The following CNTNAP5 variants were observed in gnomAD, a reference collection of about 807,000 sequenced individuals.
CNTNAP5 encodes contactin-associated protein-like 5.
CNTNAP5 carries 72 observed loss-of-function variants against 150.2 expected under a neutral mutation model. The ratio of observed to expected loss-of-function variants is 0.48; its 90% CI spans 0.40 to 0.58. CNTNAP5 has a LOEUF of 0.58. CNTNAP5 is among the 20% of genes least tolerant of loss of function. The pLI is 0.00. For synonymous variants in CNTNAP5, 672 were observed against 619.8 expected (o/e 1.08, Z -1.25); for missense variants, 1,636 against 1,626.2 (o/e 1.01, Z -0.10).
At chr2:124,702,398 C>G (rs1053923589) in intron 13 of CNTNAP5, among the ~76,000 whole-genome samples, 21 of 35,988 alleles carry the variant, frequency 5.8e-4, no homozygotes, top group South Asian at 1.2e-3. Flanking sequence ...TTTTTTTTTG[C>G]TAGTGAAGAA....
At chr2:124,742,645 C>A (rs904735363) in intron 13 of CNTNAP5, among the ~76,000 whole-genome samples, 13 of 149,162 alleles carry the variant, frequency 8.7e-5, no homozygotes, top group African/African-American at 3.0e-4. Context: ...CACACACACA[C>A]ACACACATAT....
intron 17 of CNTNAP5, among the ~76,000 whole-genome samples, chr2:124,773,909 CGTGTGT>C (rs55795835): frequency 0.28 from 36,720 of 131,524 alleles, 5,130 homozygotes; most frequent in Non-Finnish European, 0.32. Context: ...TAAGGGAGTG[CGTGTGT>C]GTGTGTGTGT....
chr2:124,557,969 G>C (rs1183533134), intron 10 of CNTNAP5, among the ~76,000 whole-genome samples: 8 of 152,138 alleles, frequency 5.3e-5, no homozygotes, highest in Non-Finnish European at 1.2e-4. Flanking sequence ...GGTGAGTTGA[G>C]AGTGTTAAGG....
At chr2:124,680,676 A>G (rs1679046197) in intron 13 of CNTNAP5, 1 of 151,890 alleles carries the variant, frequency 6.6e-6, no homozygotes, top group African/African-American at 2.4e-5. Flanking sequence ...TTTTTGTTGG[A>G]AATTGGTCAT....
chr2:124,122,218 C>T (rs886507561), intron 1 of CNTNAP5, among the ~76,000 whole-genome samples: 39 of 152,150 alleles, frequency 2.6e-4, no homozygotes, highest in East Asian at 1.9e-4. Context: ...TATATTTAGA[C>T]AGCCAGAAAT....
Position 124,713,169 on chromosome 2 carries a change from T to C in CNTNAP5, c.2078-34060T>C, listed in dbSNP as rs1374622877. Among the ~76,000 whole-genome samples the C allele has an allele frequency of 2.9e-5, 4 of 136,600 alleles. 1 individual carries two copies. The highest frequency in any genetic ancestry group is 6.3e-5 in the Non-Finnish European group (4 of 63,136). The allele number at this position is 136,600 out of a possible 152,430, so 89.6% of individuals were successfully genotyped here. ...CTTCCTTCCTTCCTCCCTCCCTCCC[T>C]CTCTCTTTTCCTCCTTCCTTCCTTC... On this transcript the variant is annotated intron_variant, in intron 13 of 23. Transcript: ENST00000682447.
chr2:124,557,497 A>C (rs1225151544), intron 10 of CNTNAP5, among the ~76,000 whole-genome samples: 3 of 152,168 alleles, frequency 2.0e-5, no homozygotes, highest in East Asian at 3.9e-4. Context: ...AATGCCTGTC[A>C]TTCATTCACT....
In CNTNAP5 at chr2:124,479,632, G is replaced by T. The variant is rs780389753; in HGVS notation, c.1062+4750G>T. On this transcript the variant is annotated intron_variant, in intron 7 of 23. Transcript: ENST00000682447. ...ATTGGAATCAGGGAATTGGATGGGC[G>T]ATGGCCAATACTAAGCCAATATAAT... is the stretch of plus-strand genomic sequence containing the variant. Among the ~76,000 whole-genome samples the T allele has an allele frequency of 3.3e-5, 5 of 152,250 alleles. No homozygotes were observed. In the South Asian group the frequency reaches 1.0e-3, roughly 32 times the overall value.
intron 7 of CNTNAP5, among the ~76,000 whole-genome samples, chr2:124,499,418 C>T (rs1392789036): frequency 6.6e-6 from 1 of 152,144 alleles, no homozygotes. Flanking sequence ...ATGGGCAAGC[C>T]CAGAAGGCTT....
In CNTNAP5 at chr2:124,400,682, T is replaced by G. The variant is rs533230593; in HGVS notation, c.382-16761T>G. On this transcript the variant is annotated intron_variant, in intron 3 of 23. Transcript: ENST00000682447. The stretch of plus-strand genomic sequence containing the variant: ...GATAAAGGCATTGTTTTTTTTTTTT[T>G]TTTTTTGTTTTTTTTCTTTAGTGGA... Among the ~76,000 whole-genome samples the G allele has an allele frequency of 9.6e-4, 110 of 114,858 alleles. 2 individuals are homozygous for G. The highest frequency in any genetic ancestry group is 8.7e-3 in the East Asian group (38 of 4,388). The allele number at this position is 114,858 out of a possible 152,430, so 75.4% of individuals were successfully genotyped here.
chr2:124,794,545 A>G (rs1249598562), intron 18 of CNTNAP5, among the ~76,000 whole-genome samples: 2 of 152,262 alleles, frequency 1.3e-5, no homozygotes, highest in African/African-American at 4.8e-5. Context: ...AGTGAAAAAA[A>G]TAAAAGTATG....
At chr2:124,537,858 C>T (rs944120629) in intron 10 of CNTNAP5, among the ~76,000 whole-genome samples, 6 of 152,132 alleles carry the variant, frequency 3.9e-5, no homozygotes, top group Non-Finnish European at 8.8e-5. Flanking sequence ...TGGTCCTTCT[C>T]CACCTGTGCA....
intron 2 of CNTNAP5, among the ~76,000 whole-genome samples, chr2:124,236,752 A>T (rs2104760015): frequency 6.6e-6 from 1 of 152,284 alleles, no homozygotes; most frequent in Non-Finnish European, 1.5e-5. Context: ...AGACAGCAGA[A>T]GTAACTGCCT....
chr2:124,862,160 C>G (rs960689904), intron 19 of CNTNAP5, among the ~76,000 whole-genome samples: 14 of 152,182 alleles, frequency 9.2e-5, no homozygotes, highest in Admixed American at 2.6e-4. Flanking sequence ...AGGCTCAAAT[C>G]TCTTTTATTG....
At chr2:124,243,174 A>G (rs1295541753) in intron 3 of CNTNAP5, among the ~76,000 whole-genome samples, 1 of 152,214 alleles carries the variant, frequency 6.6e-6, no homozygotes, top group South Asian at 2.1e-4. Context: ...ACTGAATAAA[A>G]TAAGTTGTAA....
intron 1 of CNTNAP5, among the ~76,000 whole-genome samples, chr2:124,114,093 T>C (rs1683368754): frequency 1.3e-5 from 2 of 152,020 alleles, no homozygotes; most frequent in South Asian, 4.1e-4. Flanking sequence ...TTAGCTATAC[T>C]TCTTATTTTT....
intron 21 of CNTNAP5, among the ~76,000 whole-genome samples, chr2:124,893,470 A>G (rs1218127626): frequency 6.6e-6 from 1 of 152,156 alleles, no homozygotes; most frequent in Non-Finnish European, 1.5e-5. Context: ...TTGTCATCAA[A>G]GCAGTGTGTT....
At chr2:124,568,763 T>C (rs1696086718) in intron 11 of CNTNAP5, among the ~76,000 whole-genome samples, 1 of 152,100 alleles carries the variant, frequency 6.6e-6, no homozygotes, top group South Asian at 2.1e-4. Flanking sequence ...AAGTATTTTC[T>C]GGCCGGGCGC....
intron 4 of CNTNAP5, among the ~76,000 whole-genome samples, chr2:124,425,582 C>T (rs939537819): frequency 1.3e-5 from 2 of 152,106 alleles, no homozygotes; most frequent in Non-Finnish European, 2.9e-5. Context: ...CTTCTCACTG[C>T]CCACCATGCA....
Sources: allele counts gnomAD v4.1 joint callset (sites outside exome capture counted in the v4.1 genomes callset), GRCh38; gene constraint gnomAD v4.1.1; transcripts MANE v1.5; gene names NCBI Gene and HGNC (gene_info 2026-07-23, HGNC 2026-07-21).